Variants in POLN observed in about 807,000 individuals in gnomAD.
The protein encoded by POLN is DNA polymerase nu, also known as DNA polymerase N.
POLN carries 108 observed loss-of-function variants against 113.5 expected under a neutral mutation model. The observed-to-expected ratio is 0.95, with a 90% CI of 0.81 to 1.12. The LOEUF is 1.12. Ranked by LOEUF, POLN falls within the 50% of genes most tolerant of loss-of-function variation. POLN has a pLI of 0.00. For synonymous variants in POLN, 386 were observed against 391.5 expected, an observed-to-expected ratio of 0.99 and a Z score of 0.17; for missense variants, 1,097 against 1,077.1, an observed-to-expected ratio of 1.02 and a Z score of -0.26.
At chr4:2,189,815 G>A (rs1015676415) in intron 7 of POLN, among the ~76,000 whole-genome samples, 7 of 151,524 alleles carry the variant, frequency 4.6e-5, no homozygotes, top group African/African-American at 1.7e-4. Context: ...TGGATCACGA[G>A]GTCAGGAGAT....
At chr4:2,079,812 T>A in intron 23 of POLN, 6 of 948,612 alleles carry the variant, frequency 6.3e-6, no homozygotes, top group Non-Finnish European at 7.5e-6. Context: ...CTCAAACTCC[T>A]GACCTCAGGT....
At position 2,234,322 on chromosome 4, in the gene POLN, G is replaced by A. The variant is rs964208750; in HGVS notation, c.-12-5079C>T. On this transcript the variant is annotated intron_variant, in intron 2 of 25. Transcript: ENST00000511885. ...CATTTGACAGCCACTTTGTCAACTA[G>A]AACCAGAACATGAACTGCTGGCAAA... The A allele has an allele frequency of 3.9e-5, 6 of 152,556 alleles. No individual in the cohort carries two copies. In the East Asian group the frequency reaches 1.2e-3, roughly 29 times the overall value. 9.5% of individuals were successfully genotyped at this position (152,556 alleles called of 1,614,324 possible).
intron 4 of POLN, among the ~76,000 whole-genome samples, chr4:2,209,478 C>CGGG (rs1381564209): frequency 1.8e-5 from 2 of 111,080 alleles, no homozygotes. Context: ...GACTCCGTCT[C>CGGG]AGAAAAAAAA....
chr4:2,128,761 T>C (rs1731649194), intron 18 of POLN, among the ~76,000 whole-genome samples: 1 of 152,066 alleles, frequency 6.6e-6, no homozygotes, highest in Non-Finnish European at 1.5e-5. Flanking sequence ...GCCTTAGAAT[T>C]TATTTGAAAG....
At chr4:2,225,123 A>G (rs1003946220) in intron 3 of POLN, among the ~76,000 whole-genome samples, 1 of 152,176 alleles carries the variant, frequency 6.6e-6, no homozygotes, top group African/African-American at 2.4e-5. Flanking sequence ...CCAACCATAT[A>G]AATTATAATC....
intron 16 of POLN, among the ~76,000 whole-genome samples, chr4:2,134,378 G>C (rs1281498905): frequency 6.6e-6 from 1 of 152,132 alleles, no homozygotes; most frequent in Non-Finnish European, 1.5e-5. Flanking sequence ...TGGATGCCTA[G>C]GTGTGTAATG....
chr4:2,186,146 C>T (rs10033849), intron 7 of POLN, among the ~76,000 whole-genome samples: 37,477 of 152,078 alleles, frequency 0.25, 7,133 homozygotes, highest in African/African-American at 0.51. Flanking sequence ...TGTAGAAAAA[C>T]TTCTCCCAAT....
In POLN at chr4:2,174,718, C is replaced by A. The variant is rs772156393; in HGVS notation, c.1282G>T (p.Glu428Ter). Residue 428 changes from glutamate (E) to a stop codon, truncating the protein, a stop_gained, in exon 10 of 26, where the codon GAG becomes TAG. Transcript: ENST00000511885. LOFTEE classifies it high-confidence loss of function. The part of the protein sequence containing the change: ...YGLWQLFRTL[E>*]LPLIPILAVM... ...GCCAAAATTGGTATCAGAGGAAGCTCCAAAGTACGAAATAGTTGCCATAAA... is the reference window on the plus strand; with the variant it reads ...GCCAAAATTGGTATCAGAGGAAGCTACAAAGTACGAAATAGTTGCCATAAA... 2 of 1,610,092 alleles carry A rather than the reference C, an allele frequency of 1.2e-6. No homozygotes were observed. The highest frequency in any genetic ancestry group is 8.5e-7 in the Non-Finnish European group (1 of 1,176,692).
intron 16 of POLN, among the ~76,000 whole-genome samples, chr4:2,155,165 A>G (rs1732392582): frequency 6.6e-6 from 1 of 152,244 alleles, no homozygotes; most frequent in East Asian, 1.9e-4. Flanking sequence ...AGTATCAACT[A>G]AGAGAAACTA....
At chr4:2,111,166 A>C (rs1731183684) in intron 19 of POLN, among the ~76,000 whole-genome samples, 1 of 152,270 alleles carries the variant, frequency 6.6e-6, no homozygotes, top group Middle Eastern at 3.2e-3. Flanking sequence ...TAGATGTAGA[A>C]AAGGCCTTTG....
intron 22 of POLN, 107 bp downstream of exon 22, chr4:2,081,526 G>A (rs1012347155): frequency 1.9e-6 from 2 of 1,075,604 alleles, no homozygotes; most frequent in Admixed American, 2.0e-5. Context: ...GGTTTGTGAT[G>A]AGCAGGAAAT....
chr4:2,073,019 C>A lies in POLN; in HGVS notation c.2466G>T (p.Arg822Ser). 1 of 1,613,522 alleles carries A rather than the reference C, an allele frequency of 6.2e-7. No homozygotes were observed. The highest frequency in any genetic ancestry group is 1.1e-5 in the South Asian group (1 of 91,080). ...PQIPECAALV[R>S]RTMESLEQVQ... is the part of the protein sequence containing the mutation. ...CCTGTTCCAAGGACTCCATGGTCCTCCTGACGAGAGCTAGAGTGCGGAAGA... is the reference window on the plus strand; with the variant it reads ...CCTGTTCCAAGGACTCCATGGTCCTACTGACGAGAGCTAGAGTGCGGAAGA... Residue 822 changes from arginine to serine, a missense_variant, in exon 25 of 26, where the codon AGG becomes AGT. Transcript: ENST00000511885.
chr4:2,143,939 A>G (rs1445255529), intron 16 of POLN, among the ~76,000 whole-genome samples: 1 of 152,148 alleles, frequency 6.6e-6, no homozygotes, highest in Non-Finnish European at 1.5e-5. Context: ...AACAACCCAG[A>G]TGTCCTTCAA....
In POLN at chr4:2,159,797, T is replaced by C. The variant is rs139301711; in HGVS notation, c.1555-586A>G. On this transcript the variant is annotated intron_variant, in intron 13 of 25. Coordinates refer to ENST00000511885, the MANE Select transcript of POLN (RefSeq NM_181808.4). ...CTGTCGTTGGTCCAATATCATTTTT[T>C]GGGGTTCATCAACATATGAAGCAGT... Among the ~76,000 whole-genome samples, 25 of 152,344 alleles carry C rather than the reference T, an allele frequency of 1.6e-4. No individual in the cohort carries two copies. In the South Asian group the frequency reaches 2.3e-3, roughly 14 times the overall value.
intron 16 of POLN, among the ~76,000 whole-genome samples, chr4:2,135,261 G>T (rs1731825353): frequency 6.6e-6 from 1 of 152,172 alleles, no homozygotes; most frequent in African/African-American, 2.4e-5. Context: ...AGAGTTCCAA[G>T]AAATCAGGAG....
At chr4:2,083,546 C>T (rs1007780551) in intron 21 of POLN, among the ~76,000 whole-genome samples, 12 of 152,244 alleles carry the variant, frequency 7.9e-5, no homozygotes, top group African/African-American at 2.9e-4. Context: ...TGACTCCATA[C>T]ATTTCAAACC....
intron 17 of POLN, among the ~76,000 whole-genome samples, chr4:2,130,260 A>AAGAGGAGAGG (rs1201795975): frequency 3.7e-5 from 5 of 136,824 alleles, no homozygotes; most frequent in Non-Finnish European, 7.9e-5. Flanking sequence ...AAGAAAACAG[A>AAGAGGAGAGG]AGAGGAGAGG....
At chr4:2,083,157 T>C (rs1168251348) in intron 21 of POLN, 3 of 152,234 alleles carry the variant, frequency 2.0e-5, no homozygotes, top group Non-Finnish European at 4.4e-5. Flanking sequence ...CGTATCTTAG[T>C]GTTCAAAAAC....
intron 16 of POLN, among the ~76,000 whole-genome samples, chr4:2,150,771 C>T (rs1469356296): frequency 6.6e-6 from 1 of 152,112 alleles, no homozygotes; most frequent in African/African-American, 2.4e-5. Context: ...GGTACTGGGA[C>T]AACTGGATGT....
Sources: allele counts gnomAD v4.1 joint callset (sites outside exome capture counted in the v4.1 genomes callset), GRCh38; gene constraint gnomAD v4.1.1; transcripts MANE v1.5; gene names NCBI Gene and HGNC (gene_info 2026-07-23, HGNC 2026-07-21).